The following MED24 variants were observed in gnomAD, a reference collection of about 807,000 sequenced individuals.
MED24 encodes the protein mediator complex subunit 24.
Under a neutral mutation model 118.8 loss-of-function variants are expected in MED24, and 74 were observed. The observed-to-expected ratio is 0.62, with a 90% CI of 0.52 to 0.76. MED24 has a LOEUF of 0.76. Ranked by LOEUF, MED24 falls within the 30% of genes least tolerant of loss-of-function variation. The probability of loss-of-function intolerance (pLI) is 0.00; values close to 1 mark genes in which losing one functional copy is unlikely to be tolerated. For missense variants in MED24, 1,041 were observed against 1,278.9 expected, an observed-to-expected ratio of 0.81 and a Z score of 2.84; for synonymous variants, 521 against 523.9, an observed-to-expected ratio of 0.99 and a Z score of 0.08.
intron 4 of MED24, 133 bp downstream of exon 4, chr17:40,035,983 G>A: frequency 8.5e-7 from 1 of 1,178,404 alleles, no homozygotes; most frequent in Non-Finnish European, 1.2e-6. Flanking sequence ...CCCTCCCATG[G>A]AAGTCCAGCA....
intron 3 of MED24, among the ~76,000 whole-genome samples, chr17:40,051,446 T>G (rs1295549217): frequency 6.6e-6 from 1 of 150,764 alleles, no homozygotes; most frequent in African/African-American, 2.5e-5. Context: ...AAACCCCATC[T>G]CTACTAAAAA....
At position 40,026,659 on chromosome 17, in the gene MED24, G is replaced by A. The variant is rs778053085; in HGVS notation, c.1797C>T (p.Phe599=). 5.0e-6 allele frequency: 8 copies of A among 1,609,388 alleles called. No individual in the cohort carries two copies. Among genetic ancestry groups the A allele is most frequent in the Non-Finnish European group, 6.8e-6 (8 of 1,177,682 alleles). ...AAGGCGGGGCTACCTGGATGGACTC[G>A]AAGGCCAGGACCCCATTCTCCCAGG... The part of the protein sequence containing the change: ...LNAWENGVLA[F]ESIQKITDNI... Residue 599 remains phenylalanine (F), a synonymous_variant, in exon 18 of 26, where the codon TTC becomes TTT. Transcript: ENST00000394128.
chr17:40,019,520 C>T lies in MED24; in HGVS notation c.*9G>A, dbSNP rs771877976. ...GTCCCCAGCCCCCACTGCGGCCATGCCAAGCCCCTCAGAGTGCAGCAATGG... is the reference window on the plus strand; with the variant it reads ...GTCCCCAGCCCCCACTGCGGCCATGTCAAGCCCCTCAGAGTGCAGCAATGG... On this transcript the variant is annotated 3_prime_UTR_variant, in exon 26 of 26. Coordinates refer to ENST00000394128, the MANE Select transcript of MED24 (RefSeq NM_014815.4). The T allele has an allele frequency of 2.5e-6, 4 of 1,610,212 alleles. No homozygotes were observed. The highest frequency in any genetic ancestry group is 4.3e-4 in the Middle Eastern group (2 of 4,642).
intron 3 of MED24, among the ~76,000 whole-genome samples, chr17:40,044,746 G>A (rs1984971668): frequency 6.6e-6 from 1 of 151,462 alleles, no homozygotes; most frequent in Non-Finnish European, 1.5e-5. Flanking sequence ...AGGCGTGGTC[G>A]TGGGCACCTG....
At chr17:40,027,888 G>C in intron 15 of MED24, 21 bp downstream of exon 15, 3 of 1,611,978 alleles carry the variant, frequency 1.9e-6, no homozygotes, top group Non-Finnish European at 2.5e-6. Flanking sequence ...CTGGGCCTGC[G>C]GATGCACAGG....
rs923210611 is a variant in MED24, at chr17:40,021,851, G to A, written c.2623+104C>T. The A allele has an allele frequency of 9.4e-6, 8 of 854,578 alleles. No homozygotes were observed. The African/African-American group carries it at 1.0e-4, about 11-fold the overall frequency. The allele number at this position is 854,578 out of a possible 1,614,324, so 52.9% of individuals were successfully genotyped here. ...AGCAGGTCCCTGCCACACCCTCTCTGACCAGCTGCAAAGATGCCTGCAGCT... is the reference window on the plus strand; with the variant it reads ...AGCAGGTCCCTGCCACACCCTCTCTAACCAGCTGCAAAGATGCCTGCAGCT... On this transcript the variant is annotated intron_variant, in intron 23 of 25. Coordinates refer to ENST00000394128, the MANE Select transcript of MED24 (RefSeq NM_014815.4).
At chr17:40,027,118 G>A (rs1347509153) in intron 16 of MED24, 84 bp from the exon 17 acceptor site, 15 of 1,500,916 alleles carry the variant, frequency 1.0e-5, no homozygotes, top group Non-Finnish European at 1.3e-5. Context: ...ACTGTTTCCC[G>A]CCAGGCTGCT....
intron 9 of MED24, chr17:40,032,321 A>G: frequency 1.7e-6 from 1 of 585,980 alleles, no homozygotes; most frequent in Non-Finnish European, 3.0e-6. Context: ...CTAGCTCAAC[A>G]GAAAAAGATG....
chr17:40,042,139 C>T (rs914639780), intron 3 of MED24, among the ~76,000 whole-genome samples: 3 of 152,110 alleles, frequency 2.0e-5, no homozygotes, highest in African/African-American at 7.2e-5. Context: ...AAACTATAAC[C>T]AGAGTGATCT....
In MED24 at chr17:40,022,382, T is replaced by C. The variant is rs755594371; in HGVS notation, c.2523+12A>G. 4.4e-6 allele frequency: 7 copies of C among 1,601,666 alleles called. No homozygotes were observed. In the South Asian group the frequency reaches 6.7e-5, roughly 15 times the overall value. Reference sequence around the variant, plus strand: ...AACAAGTGAAGCCGGCGAGGGCAGCTGGGGGGCCTACCTCAATGTCTTCGC... The same window carrying C: ...AACAAGTGAAGCCGGCGAGGGCAGCCGGGGGGCCTACCTCAATGTCTTCGC... On this transcript the variant is annotated intron_variant, in intron 22 of 25. Transcript: ENST00000394128.
chr17:40,031,362 C>A (rs1011487655), intron 11 of MED24, 117 bp from the exon 12 acceptor site: 8 of 1,250,350 alleles, frequency 6.4e-6, no homozygotes, highest in Non-Finnish European at 9.2e-6. Flanking sequence ...ATCTGGAGTG[C>A]CTGAGGGACG....
chr17:40,019,403 G>T lies in MED24; in HGVS notation c.*126C>A. 1 of 762,822 alleles carries T rather than the reference G, an allele frequency of 1.3e-6. No homozygotes were observed. The highest frequency in any genetic ancestry group is 2.2e-6 in the Non-Finnish European group (1 of 463,840). The allele number at this position is 762,822 out of a possible 1,614,324, so 47.3% of individuals were successfully genotyped here. A position where few individuals can be genotyped will look rare whatever the true frequency, so the allele number is the denominator to read the frequency against. Reference sequence around the variant, plus strand: ...AGTCAGGAGCGGGGAACTGGAAGCCGCTAGAGGCTCTTGCACCATGTGGAG... The same window carrying T: ...AGTCAGGAGCGGGGAACTGGAAGCCTCTAGAGGCTCTTGCACCATGTGGAG... On this transcript the variant is annotated 3_prime_UTR_variant, in exon 26 of 26. Coordinates refer to ENST00000394128, the MANE Select transcript of MED24 (RefSeq NM_014815.4).
At chr17:40,020,608 G>A (rs1000752991) in intron 23 of MED24, 31 of 617,074 alleles carry the variant, frequency 5.0e-5, no homozygotes, top group Middle Eastern at 9.6e-4. Context: ...GGCAACTAGC[G>A]AGACCTCATC....
At chr17:40,049,282 A>T (rs143446250) in intron 3 of MED24, among the ~76,000 whole-genome samples, 96 of 152,336 alleles carry the variant, frequency 6.3e-4, no homozygotes, top group African/African-American at 2.2e-3. Flanking sequence ...TTCCTGAACA[A>T]CATTATGTGA....
At chr17:40,045,215 G>A (rs1341173971) in intron 3 of MED24, among the ~76,000 whole-genome samples, 4 of 151,948 alleles carry the variant, frequency 2.6e-5, no homozygotes, top group East Asian at 1.9e-4. Context: ...TTGGGAGGCC[G>A]AGGCGGGCAG....
intron 3 of MED24, among the ~76,000 whole-genome samples, chr17:40,041,213 CCTGACTTCCCAGCAGCAT>C (rs1432659256): frequency 6.6e-6 from 1 of 152,188 alleles, no homozygotes; most frequent in Non-Finnish European, 1.5e-5. Context: ...TCTGATCTTA[CCTGACTTCCCAGCAGCAT>C]CTGACCCCTT....
At chr17:40,040,804 CAG>C (rs1984484585) in intron 3 of MED24, among the ~76,000 whole-genome samples, 2 of 151,674 alleles carry the variant, frequency 1.3e-5, no homozygotes, top group South Asian at 4.2e-4. Context: ...TTAGTAGAGA[CAG>C]AGTTTCGCCA....
chr17:40,027,505 AG>A (rs752295748), intron 15 of MED24, 40 bp from the exon 16 acceptor site: 144 of 1,570,218 alleles, frequency 9.2e-5, no homozygotes, highest in Middle Eastern at 1.7e-4. Context: ...AGACGAGGGC[AG>A]GGGGGAGCCC....
rs753093057 is a variant in MED24, at chr17:40,053,286, C to T, written c.213+12G>A. The T allele has an allele frequency of 3.1e-6, 5 of 1,589,556 alleles. No homozygotes were observed. Among genetic ancestry groups the T allele is most frequent in the Non-Finnish European group, 3.4e-6 (4 of 1,168,176 alleles). ...ACTCTCACTTCTTGGTGGGGGTTTGCGGGAAGCTTACCTGGGAACTAATGG... is the reference window on the plus strand; with the variant it reads ...ACTCTCACTTCTTGGTGGGGGTTTGTGGGAAGCTTACCTGGGAACTAATGG... On this transcript the variant is annotated intron_variant, in intron 3 of 25. Transcript: ENST00000394128.
Sources: gnomAD v4.1 joint callset for allele counts (sites outside exome capture counted in the v4.1 genomes callset) on GRCh38, gnomAD v4.1.1 for gene constraint, MANE v1.5 for transcripts, NCBI Gene and HGNC (gene_info 2026-07-23, HGNC 2026-07-21) for gene names.